The following PCDHA5 variants were observed in gnomAD, a reference collection of about 807,000 sequenced individuals.
The protein encoded by PCDHA5 is protocadherin alpha 5.
A neutral mutation model predicts 61.6 loss-of-function variants in PCDHA5; 43 were observed. That is an observed-to-expected ratio of 0.70 (90% CI 0.55 to 0.90). The LOEUF (loss-of-function observed/expected upper bound fraction) is 0.90. Among genes scored for constraint, PCDHA5 ranks in the 40% least tolerant of loss-of-function variants. The pLI, the probability that PCDHA5 is intolerant of heterozygous loss-of-function variation, is 0.00. For missense variants in PCDHA5, 1,298 were observed against 1,222.7 expected (o/e 1.06, Z -0.92); for synonymous variants, 627 against 543.9 (o/e 1.15, Z -2.13).
intron 1 of PCDHA5, among the ~76,000 whole-genome samples, chr5:140,838,079 T>A (rs1373778941): frequency 4.7e-3 from 32 of 6,862 alleles, no homozygotes; most frequent in East Asian, 3.8e-3. Context: ...ATATATATAG[T>A]GTGTGTGTGT....
In PCDHA5 at chr5:140,842,631, C is replaced by G; in HGVS notation, c.2352+18504C>G. 4 of 1,595,224 alleles carry G rather than the reference C, an allele frequency of 2.5e-6. 2 individuals are homozygous for G. The South Asian group carries it at 4.4e-5, about 18-fold the overall frequency. ...GACGGGGGCTCGCCTTCGCTGTGGG[C>G]CACCGCCAGCTTGTCTGTGGAGGTG... On this transcript the variant is annotated intron_variant, in intron 1 of 3. Transcript: ENST00000529859.
intron 1 of PCDHA5, among the ~76,000 whole-genome samples, chr5:140,957,190 A>G (rs2153712685): frequency 6.6e-6 from 1 of 152,294 alleles, no homozygotes; most frequent in South Asian, 2.1e-4. Context: ...TTGATGACCG[A>G]TTGGGAATAT....
intron 1 of PCDHA5, among the ~76,000 whole-genome samples, chr5:140,906,294 T>C (rs1554192469): frequency 1.3e-5 from 2 of 152,278 alleles, no homozygotes; most frequent in East Asian, 3.9e-4. Flanking sequence ...AAGACAATAA[T>C]AAGGTCATAA....
At chr5:140,919,653 C>T (rs917457975) in intron 1 of PCDHA5, among the ~76,000 whole-genome samples, 1 of 152,158 alleles carries the variant, frequency 6.6e-6, no homozygotes, top group South Asian at 2.1e-4. Context: ...CTAGAGTTTA[C>T]CATATATATT....
At chr5:140,826,757 A>G (rs1320078867) in intron 1 of PCDHA5, among the ~76,000 whole-genome samples, 2 of 152,200 alleles carry the variant, frequency 1.3e-5, no homozygotes, top group South Asian at 2.1e-4. Flanking sequence ...AATAAGATTC[A>G]TATTGGAGAG....
rs570308036 is a variant in PCDHA5 at position 140,863,611 on chromosome 5, C to T, written c.2352+39484C>T. 129 of 339,126 alleles carry T rather than the reference C, an allele frequency of 3.8e-4. 2 individuals are homozygous for T. The highest frequency in any genetic ancestry group is 3.0e-3 in the South Asian group (124 of 41,340). The allele number at this position is 339,126 out of a possible 1,614,324, so 21.0% of individuals were successfully genotyped here. A position where few individuals can be genotyped will look rare whatever the true frequency, so the allele number is the denominator to read the frequency against. On this transcript the variant is annotated intron_variant, in intron 1 of 3. Coordinates refer to ENST00000529859, the MANE Select transcript of PCDHA5 (RefSeq NM_018908.3). ...AAGTATTTCATTCCTATTAATGTCC[C>T]TCATAGTGACATTGATAATGTTCAC...
intron 1 of PCDHA5, chr5:140,878,103 GA>G (rs748975221): frequency 2.9e-4 from 75 of 261,846 alleles, no homozygotes; most frequent in African/African-American, 1.3e-3. Context: ...GATGAACCTT[GA>G]AAAAAACAGT....
chr5:140,875,858 A>T, intron 1 of PCDHA5: 1 of 1,613,908 alleles, frequency 6.2e-7, no homozygotes, highest in Non-Finnish European at 8.5e-7. Flanking sequence ...ATTAACGACA[A>T]CCCGCCGGTG....
At chr5:140,920,930 T>C (rs1286502333) in intron 1 of PCDHA5, among the ~76,000 whole-genome samples, 1 of 151,962 alleles carries the variant, frequency 6.6e-6, no homozygotes, top group Non-Finnish European at 1.5e-5. Flanking sequence ...GTAGGTGATC[T>C]AGCCCTTTCA....
At chr5:140,882,339 G>A (rs1554173610) in intron 1 of PCDHA5, 1 of 1,614,162 alleles carries the variant, frequency 6.2e-7, no homozygotes, top group Admixed American at 1.7e-5. Flanking sequence ...CTCGCAGCCT[G>A]GGAGACGGGT....
intron 1 of PCDHA5, chr5:140,967,360 G>T: frequency 6.2e-7 from 1 of 1,607,656 alleles, no homozygotes. Flanking sequence ...TGGACCTTAA[G>T]CCCCTGCAGG....
rs782258990 is a variant in PCDHA5 at position 140,870,453 on chromosome 5, T to C, written c.2352+46326T>C. ...TGGAGGTGGCCGACGTGAACGACAATGCGCCTGCGTTCGCACAGCCCGAGT... is the reference window on the plus strand; with the variant it reads ...TGGAGGTGGCCGACGTGAACGACAACGCGCCTGCGTTCGCACAGCCCGAGT... On this transcript the variant is annotated intron_variant, in intron 1 of 3. Coordinates refer to ENST00000529859, the MANE Select transcript of PCDHA5 (RefSeq NM_018908.3). 10 of 1,614,138 alleles carry C rather than the reference T, an allele frequency of 6.2e-6. No homozygotes were observed. The Admixed American group carries it at 6.7e-5, about 11-fold the overall frequency.
At chr5:140,857,246 T>C in intron 1 of PCDHA5, 1 of 1,598,642 alleles carries the variant, frequency 6.3e-7, no homozygotes, top group Non-Finnish European at 8.6e-7. Context: ...GGTGTCCACC[T>C]ACAAGAATTA....
intron 1 of PCDHA5, among the ~76,000 whole-genome samples, chr5:140,933,797 A>G (rs1419925900): frequency 6.6e-6 from 1 of 152,062 alleles, no homozygotes; most frequent in African/African-American, 2.4e-5. Context: ...GAAAATTTTA[A>G]TTGAGATCAA....
chr5:140,927,813 G>A, intron 1 of PCDHA5: 1 of 1,614,176 alleles, frequency 6.2e-7, no homozygotes, highest in Non-Finnish European at 8.5e-7. Context: ...CGCTCTTGGA[G>A]GCATACATTG....
rs35184029 is a variant in PCDHA5 at position 140,997,668 on chromosome 5, TTGTGTG to T, written c.2501-11935_2501-11930del. Among the ~76,000 whole-genome samples the T allele has an allele frequency of 3.7e-4, 55 of 148,336 alleles. 1 individual carries two copies. The South Asian group carries it at 5.8e-3, about 16-fold the overall frequency. On this transcript the variant is annotated intron_variant, in intron 3 of 3. Coordinates refer to ENST00000529859, the MANE Select transcript of PCDHA5 (RefSeq NM_018908.3). ...AATGCAATATGTATTATTATACAGC[TTGTGTG>T]TGTGTGTGTGTGTGTGTGTGTGTAT...
At chr5:140,927,201 C>T (rs1330352185) in intron 1 of PCDHA5, 7 of 1,614,032 alleles carry the variant, frequency 4.3e-6, no homozygotes, top group Non-Finnish European at 5.1e-6. Flanking sequence ...TGCTCGAGGA[C>T]CCGCTGGAGC....
intron 1 of PCDHA5, among the ~76,000 whole-genome samples, chr5:140,913,895 C>A (rs2076500910): frequency 6.6e-6 from 1 of 152,066 alleles, no homozygotes; most frequent in South Asian, 2.1e-4. Flanking sequence ...TTCCAAAATT[C>A]CCCTTTTTTA....
Position 141,010,339 on chromosome 5 carries a change from A to C in PCDHA5, c.*402A>C. ...TTGAGCAGCTTGGGAGTTTGTGGCCACTGGGTATGTGTGGCTACCGCGGGT... is the reference window on the plus strand; with the variant it reads ...TTGAGCAGCTTGGGAGTTTGTGGCCCCTGGGTATGTGTGGCTACCGCGGGT... On this transcript the variant is annotated 3_prime_UTR_variant, in exon 4 of 4. Coordinates refer to ENST00000529859, the MANE Select transcript of PCDHA5 (RefSeq NM_018908.3). 6.5e-7 allele frequency: 1 copy of C among 1,534,060 alleles called. No homozygotes were observed. The highest frequency in any genetic ancestry group is 8.8e-7 in the Non-Finnish European group (1 of 1,140,682).
Sources: allele counts gnomAD v4.1 joint callset (sites outside exome capture counted in the v4.1 genomes callset), GRCh38; gene constraint gnomAD v4.1.1; transcripts MANE v1.5; gene names NCBI Gene and HGNC (gene_info 2026-07-23, HGNC 2026-07-21).